Variants in FOXN1 observed in about 807,000 individuals in gnomAD.
FOXN1 encodes the protein forkhead box protein N1.
FOXN1 carries 15 observed loss-of-function variants against 49.0 expected under a neutral mutation model. That is an observed-to-expected ratio of 0.31 (90% CI 0.20 to 0.47). The LOEUF is 0.47. FOXN1 is among the 20% of genes least tolerant of loss of function. The pLI is 1.00. For synonymous variants in FOXN1, 356 were observed against 369.0 expected, an observed-to-expected ratio of 0.96 and a Z score of 0.40; for missense variants, 800 against 842.8, an observed-to-expected ratio of 0.95 and a Z score of 0.63.
rs1373027692 is a variant in FOXN1 at position 28,538,665 on chromosome 17, A to G, written c.*1229A>G. The G allele has an allele frequency of 6.6e-6, 1 of 152,214 alleles. No individual in the cohort carries two copies. Among genetic ancestry groups the G allele is most frequent in the African/African-American group, 2.4e-5 (1 of 41,448 alleles). 9.4% of individuals were successfully genotyped at this position (152,214 alleles called of 1,614,324 possible). ...AGCACCCCCGCTTTGACTGCTTGGC[A>G]GACCTAGGGTGCCCGGGAAGCACAA... On this transcript the variant is annotated 3_prime_UTR_variant, in exon 9 of 9. Coordinates refer to ENST00000579795, the MANE Select transcript of FOXN1 (RefSeq NM_001369369.1).
Position 28,524,710 on chromosome 17 carries a change from A to C in FOXN1, c.331A>C (p.Ser111Arg), listed in dbSNP as rs1319520901. ...TGGCTTTGAGGAGGCCGCAGCAAGC[A>C]GCCCTGGGCGATTCCTCAAGGGCAG... ...GFGFEEAAAS[S>R]PGRFLKGSHA... is the part of the protein sequence containing the mutation. Residue 111 changes from serine (S) to arginine (R), a missense_variant, in exon 3 of 9, where the codon AGC becomes CGC. By Grantham distance (110) the Ser-to-Arg change is moderately radical (BLOSUM62 -1). Transcript: ENST00000579795. The C allele has an allele frequency of 1.2e-6, 2 of 1,612,686 alleles. No individual in the cohort carries two copies. Among genetic ancestry groups the C allele is most frequent in the East Asian group, 4.5e-5 (2 of 44,784 alleles).
chr17:28,507,405 A>T (rs183510584), intron 1 of FOXN1, among the ~76,000 whole-genome samples: 135 of 152,188 alleles, frequency 8.9e-4, no homozygotes, highest in African/African-American at 3.2e-3. Context: ...GGCATGGGGG[A>T]TATGTCTGGA....
At chr17:28,521,634 A>C (rs975530271) in intron 1 of FOXN1, among the ~76,000 whole-genome samples, 34 of 152,308 alleles carry the variant, frequency 2.2e-4, no homozygotes, top group African/African-American at 8.2e-4. Context: ...GGACATCAAG[A>C]AGGGGTGGTG....
intron 8 of FOXN1, among the ~76,000 whole-genome samples, chr17:28,535,827 G>A (rs2070050039): frequency 6.6e-6 from 1 of 152,224 alleles, no homozygotes; most frequent in East Asian, 1.9e-4. Flanking sequence ...GATTGTGAGT[G>A]ACCAGTAGTC....
At chr17:28,511,771 G>T (rs1237895989) in intron 1 of FOXN1, among the ~76,000 whole-genome samples, 3 of 152,010 alleles carry the variant, frequency 2.0e-5, no homozygotes, top group Non-Finnish European at 2.9e-5. Flanking sequence ...TGCAGTCCTT[G>T]GTCGGGAGGA....
At chr17:28,527,845 CCCA>C (rs1279087022) in intron 4 of FOXN1, among the ~76,000 whole-genome samples, 1 of 152,230 alleles carries the variant, frequency 6.6e-6, no homozygotes, top group Non-Finnish European at 1.5e-5. Flanking sequence ...GACCTTCCCA[CCCA>C]GAGGACTCCA....
In FOXN1 at chr17:28,524,615, A is replaced by G. The variant is rs150894024; in HGVS notation, c.236A>G (p.Gln79Arg). The change falls in exon 3 of 9, where the codon CAG becomes CGG. Residue 79 changes from glutamine (Q) to arginine (R), a missense_variant. By Grantham distance (43) the Gln-to-Arg change is conservative (BLOSUM62 1). Coordinates refer to ENST00000579795, the MANE Select transcript of FOXN1 (RefSeq NM_001369369.1). Reference sequence around the variant, plus strand: ...GCGTCACCAGGGCCCGAGCAAGTCCAGGGCCACTGCCCAGCCGGCCCCGGC... The same window carrying G: ...GCGTCACCAGGGCCCGAGCAAGTCCGGGGCCACTGCCCAGCCGGCCCCGGC... ...RIASPGPEQV[Q>R]GHCPAGPGPG... 2 of 1,613,454 alleles carry G rather than the reference A, an allele frequency of 1.2e-6. No individual in the cohort carries two copies. Among genetic ancestry groups the G allele is most frequent in the East Asian group, 2.2e-5 (1 of 44,880 alleles).
chr17:28,521,824 A>G (rs554115056), intron 1 of FOXN1, among the ~76,000 whole-genome samples: 1 of 152,226 alleles, frequency 6.6e-6, no homozygotes, highest in Non-Finnish European at 1.5e-5. Context: ...TTGATGGTTT[A>G]TTCAGCAAAG....
At chr17:28,509,569 A>G (rs573734125) in intron 1 of FOXN1, among the ~76,000 whole-genome samples, 2 of 152,348 alleles carry the variant, frequency 1.3e-5, no homozygotes, top group South Asian at 4.1e-4. Flanking sequence ...GAGCCATGCC[A>G]ATAGACAAAA....
At chr17:28,514,527 G>A (rs1392566315) in intron 1 of FOXN1, among the ~76,000 whole-genome samples, 2 of 152,074 alleles carry the variant, frequency 1.3e-5, no homozygotes, top group African/African-American at 4.8e-5. Context: ...CAAGCCTCAG[G>A]CAGAGCCCCC....
At chr17:28,525,682 G>A (rs894003393) in intron 3 of FOXN1, among the ~76,000 whole-genome samples, 3 of 152,070 alleles carry the variant, frequency 2.0e-5, no homozygotes, top group African/African-American at 4.8e-5. Flanking sequence ...CTGAGTGGGC[G>A]TAGCCTCAGC....
intron 8 of FOXN1, among the ~76,000 whole-genome samples, chr17:28,536,369 C>T (rs774583509): frequency 2.6e-5 from 4 of 152,220 alleles, no homozygotes; most frequent in Non-Finnish European, 4.4e-5. Context: ...TCTCTATGTG[C>T]TTTCTCATCT....
chr17:28,520,134 CCCAA>C (rs2069610056), intron 1 of FOXN1, among the ~76,000 whole-genome samples: 1 of 152,164 alleles, frequency 6.6e-6, no homozygotes, highest in Admixed American at 6.5e-5. Flanking sequence ...AAGCATCATG[CCCAA>C]CCAAAGTCCC....
In FOXN1 at chr17:28,537,429, T is replaced by C. The variant is rs992167121; in HGVS notation, c.1940T>C (p.Leu647Pro). 2 of 1,611,934 alleles carry C rather than the reference T, an allele frequency of 1.2e-6. No homozygotes were observed. The highest frequency in any genetic ancestry group is 1.7e-6 in the Non-Finnish European group (2 of 1,178,680). The change falls in exon 9 of 9, where the codon CTG becomes CCG. Residue 647 changes from leucine to proline, a missense_variant. This residue lies in a region of FOXN1 where 344 missense variants were observed against 366.1 expected (regional missense o/e 0.94). Transcript: ENST00000579795. ...YLSPSSKPVA[L>P]A Reference sequence around the variant, plus strand: ...AGCCCCAGCTCCAAGCCCGTGGCCCTGGCATGAGCTGTGCCCAGCTTCGTC... The same window carrying C: ...AGCCCCAGCTCCAAGCCCGTGGCCCCGGCATGAGCTGTGCCCAGCTTCGTC...
chr17:28,506,686 G>A (rs782543410), intron 1 of FOXN1, among the ~76,000 whole-genome samples: 1 of 152,112 alleles, frequency 6.6e-6, no homozygotes, highest in Admixed American at 6.5e-5. Context: ...GCTGTGGTGT[G>A]GGTCTCATTC....
intron 1 of FOXN1, among the ~76,000 whole-genome samples, 168 bp downstream of exon 1, chr17:28,506,611 G>A (rs765002310): frequency 4.7e-4 from 71 of 152,188 alleles, no homozygotes; most frequent in Admixed American, 1.2e-3. Flanking sequence ...GGAGGCCAAG[G>A]GGCACCCCTT....
chr17:28,525,356 T>C (rs1413903687), intron 3 of FOXN1, among the ~76,000 whole-genome samples: 1 of 152,054 alleles, frequency 6.6e-6, no homozygotes, highest in East Asian at 1.9e-4. Context: ...TAGTACACAG[T>C]TTTTCCCTCC....
In FOXN1 at chr17:28,535,158, G is replaced by A; in HGVS notation, c.1587G>A (p.Leu529=). ...LLPDGDLGTD[L]DAINPSLTDF... ...CAGATGGAGACCTTGGCACTGACCT[G>A]GATGCCATCAATCCCTCACTCACTG... Residue 529 remains leucine (L), a synonymous_variant, in exon 8 of 9, where the codon CTG becomes CTA. Transcript: ENST00000579795. The A allele has an allele frequency of 1.2e-6, 2 of 1,613,374 alleles. No individual in the cohort carries two copies. The highest frequency in any genetic ancestry group is 1.7e-6 in the Non-Finnish European group (2 of 1,179,812).
At chr17:28,507,560 C>T (rs1597522981) in intron 1 of FOXN1, among the ~76,000 whole-genome samples, 1 of 152,122 alleles carries the variant, frequency 6.6e-6, no homozygotes, top group South Asian at 2.1e-4. Flanking sequence ...TTTTCCTAAT[C>T]CCTGAAGGAG....
Sources: allele counts gnomAD v4.1 joint callset (sites outside exome capture counted in the v4.1 genomes callset), GRCh38; gene constraint gnomAD v4.1.1; regional missense constraint gnomAD v4.1.1; transcripts MANE v1.5; gene names NCBI Gene and HGNC (gene_info 2026-07-23, HGNC 2026-07-21).